Variants in GLCCI1 observed in about 807,000 individuals in gnomAD.
GLCCI1 encodes the protein glucocorticoid induced 1, also known as glucocorticoid-induced transcript 1 protein.
Under a neutral mutation model 52.2 loss-of-function variants are expected in GLCCI1, and 24 were observed. That is an observed-to-expected ratio of 0.46 (90% confidence interval 0.33 to 0.65). The LOEUF is 0.65. Among genes scored for constraint, GLCCI1 ranks in the 30% least tolerant of loss-of-function variants. The probability of loss-of-function intolerance (pLI) is 0.02; values close to 1 mark genes in which losing one functional copy is unlikely to be tolerated. For synonymous variants in GLCCI1, 310 were observed against 276.5 expected, an observed-to-expected ratio of 1.12 and a Z score of -1.20; for missense variants, 704 against 701.5, an observed-to-expected ratio of 1.00 and a Z score of -0.04.
chr7:8,020,900 G>C (rs191843227), intron 2 of GLCCI1, among the ~76,000 whole-genome samples: 41 of 152,268 alleles, frequency 2.7e-4, no homozygotes, highest in African/African-American at 9.4e-4. Flanking sequence ...ATTATTTTCA[G>C]AGTACGTCAT....
intron 5 of GLCCI1, among the ~76,000 whole-genome samples, chr7:8,061,792 G>C (rs944670171): frequency 4.7e-5 from 7 of 149,074 alleles, no homozygotes; most frequent in Non-Finnish European, 8.9e-5. Context: ...TCAGCCTCCT[G>C]AGTAGCTGGG....
chr7:8,081,390 TAG>T (rs1782990700), intron 6 of GLCCI1, among the ~76,000 whole-genome samples: 1 of 152,230 alleles, frequency 6.6e-6, no homozygotes, highest in African/African-American at 2.4e-5. Flanking sequence ...AGTAATGTGA[TAG>T]AGATAAAACC....
At chr7:7,985,849 G>C (rs1434188839) in intron 1 of GLCCI1, among the ~76,000 whole-genome samples, 3 of 152,110 alleles carry the variant, frequency 2.0e-5, no homozygotes. Context: ...TTTCTCTGCT[G>C]GGGTTGGCTT....
At chr7:8,082,068 C>G (rs764423583) in intron 6 of GLCCI1, among the ~76,000 whole-genome samples, 1 of 152,158 alleles carries the variant, frequency 6.6e-6, no homozygotes, top group Non-Finnish European at 1.5e-5. Flanking sequence ...AAGAGAGACT[C>G]AATTAAGATT....
At chr7:8,056,487 A>G (rs1315602171) in intron 4 of GLCCI1, among the ~76,000 whole-genome samples, 1 of 152,216 alleles carries the variant, frequency 6.6e-6, no homozygotes, top group Non-Finnish European at 1.5e-5. Context: ...TATTTTACAT[A>G]TGAAGAAATT....
chr7:7,969,557 C>T lies in GLCCI1; in HGVS notation c.207C>T (p.Pro69=). ...RLLQPIRATV[P]YQLLRGSQHS... The stretch of plus-strand genomic sequence containing the variant: ...TGCAGCCCATCCGCGCCACGGTGCC[C>T]TACCAGCTCTTGCGGGGCAGCCAGC... Residue 69 remains proline (P), a synonymous_variant, in exon 1 of 8, where the codon CCC becomes CCT. Transcript: ENST00000223145. The surrounding 1 kb of genome is among the most constrained non-coding windows in gnomAD (Gnocchi z 4.9). 2 of 1,005,030 alleles carry T rather than the reference C, an allele frequency of 2.0e-6. No individual in the cohort carries two copies. The highest frequency in any genetic ancestry group is 8.2e-5 in the South Asian group (2 of 24,338). 62.3% of individuals were successfully genotyped at this position (1,005,030 alleles called of 1,614,324 possible). A position where few individuals can be genotyped will look rare whatever the true frequency, so the allele number is the denominator to read the frequency against.
At chr7:8,060,043 C>A (rs574821268) in intron 4 of GLCCI1, 53 bp from the exon 5 acceptor site, 73 of 1,468,812 alleles carry the variant, frequency 5.0e-5, no homozygotes, top group Non-Finnish European at 6.1e-5. Context: ...CTCTTTAGTT[C>A]TTGATTGCTT....
At chr7:8,063,308 T>C (rs1334602728) in intron 5 of GLCCI1, among the ~76,000 whole-genome samples, 1 of 150,650 alleles carries the variant, frequency 6.6e-6, no homozygotes, top group African/African-American at 2.4e-5. Flanking sequence ...CGACTAACTT[T>C]TTGTATTTTT....
At chr7:8,046,709 C>G (rs907217288) in intron 3 of GLCCI1, among the ~76,000 whole-genome samples, 1 of 152,164 alleles carries the variant, frequency 6.6e-6, no homozygotes, top group Non-Finnish European at 1.5e-5. Context: ...TTGATTGATG[C>G]CTCATGTCTC....
chr7:8,047,010 A>G (rs907310584), intron 3 of GLCCI1, among the ~76,000 whole-genome samples: 27 of 130,928 alleles, frequency 2.1e-4, no homozygotes, highest in East Asian at 1.1e-3. Context: ...GAGAGGGGGA[A>G]AAAAAAAACC....
chr7:8,033,199 A>G (rs547920228), intron 3 of GLCCI1, among the ~76,000 whole-genome samples: 4 of 151,478 alleles, frequency 2.6e-5, no homozygotes, highest in Admixed American at 2.0e-4. Flanking sequence ...ACAATATTCA[A>G]CAGTCATTCA....
Position 7,978,418 on chromosome 7 carries a change from TA to T in GLCCI1, c.457+8618del, listed in dbSNP as rs201185195. On this transcript the variant is annotated intron_variant, in intron 1 of 7. Transcript: ENST00000223145. ...CATGGCAAAGCAATGCACACTACCT[TA>T]AAAAAATTATTTATATGTACTTGGC... 5.3e-3 allele frequency among the ~76,000 whole-genome samples: 800 copies of T among 152,284 alleles called. 12 individuals are homozygous for T. Among genetic ancestry groups the T allele is most frequent in the East Asian group, 0.037 (191 of 5,194 alleles).
intron 3 of GLCCI1, among the ~76,000 whole-genome samples, chr7:8,047,019 C>A (rs753953946): frequency 8.6e-5 from 13 of 151,720 alleles, no homozygotes; most frequent in Non-Finnish European, 8.8e-5. Context: ...AAAAAAAAAA[C>A]CACCTCTAAG....
chr7:8,083,180 TG>T (rs939693669), intron 6 of GLCCI1, among the ~76,000 whole-genome samples: 1 of 152,172 alleles, frequency 6.6e-6, no homozygotes, highest in African/African-American at 2.4e-5. Context: ...GTACATGAGA[TG>T]TTTTGATACA....
At position 8,086,579 on chromosome 7, in the gene GLCCI1, G is replaced by T; in HGVS notation, c.*41G>T. 6.7e-7 allele frequency: 1 copy of T among 1,487,092 alleles called. No individual in the cohort carries two copies. 92.1% of individuals were successfully genotyped at this position (1,487,092 alleles called of 1,614,324 possible). A position where few individuals can be genotyped will look rare whatever the true frequency, so the allele number is the denominator to read the frequency against. On this transcript the variant is annotated 3_prime_UTR_variant, in exon 8 of 8. Transcript: ENST00000223145. This position sits in a 1 kb window ranked among gnomAD's most constrained non-coding sequence, Gnocchi z 4.4. ...CCTCCACCCTATGTTCCATGGATTCGGAACAAGATTTCAGACATCTGCATG... is the reference window on the plus strand; with the variant it reads ...CCTCCACCCTATGTTCCATGGATTCTGAACAAGATTTCAGACATCTGCATG...
chr7:8,084,805 A>T, intron 6 of GLCCI1, 92 bp from the exon 7 acceptor site: 1 of 1,244,996 alleles, frequency 8.0e-7, no homozygotes, highest in Non-Finnish European at 1.1e-6. Context: ...TAGGGGCAGT[A>T]GTGGATAAAT....
At position 8,047,278 on chromosome 7, in the gene GLCCI1, C is replaced by G. The variant is rs576491155; in HGVS notation, c.697-8155C>G. Among the ~76,000 whole-genome samples the G allele has an allele frequency of 4.6e-5, 7 of 152,278 alleles. No individual in the cohort carries two copies. In the East Asian group the frequency reaches 1.3e-3, roughly 29 times the overall value. On this transcript the variant is annotated intron_variant, in intron 3 of 7. Transcript: ENST00000223145. ...ATTGTATTTACTAGAGATTTGCTAACCCAGCCTTTATTTAGATTATACACT... is the reference window on the plus strand; with the variant it reads ...ATTGTATTTACTAGAGATTTGCTAAGCCAGCCTTTATTTAGATTATACACT...
At chr7:7,978,241 G>A (rs1231261805) in intron 1 of GLCCI1, among the ~76,000 whole-genome samples, 1 of 151,926 alleles carries the variant, frequency 6.6e-6, no homozygotes, top group Non-Finnish European at 1.5e-5. Context: ...TCTTTTTTGT[G>A]TATTCATATT....
intron 2 of GLCCI1, among the ~76,000 whole-genome samples, chr7:8,007,321 TTATGTAA>T (rs1781172730): frequency 6.6e-6 from 1 of 152,164 alleles, no homozygotes; most frequent in South Asian, 2.1e-4. Context: ...TATTACATCG[TTATGTAA>T]TATGTACTAC....
Sources: allele counts gnomAD v4.1 joint callset (sites outside exome capture counted in the v4.1 genomes callset), GRCh38; gene constraint gnomAD v4.1.1; non-coding constraint Gnocchi (gnomAD v3.1); transcripts MANE v1.5; gene names NCBI Gene and HGNC (gene_info 2026-07-23, HGNC 2026-07-21).